The following PSD3 variants were observed in gnomAD, a reference collection of about 807,000 sequenced individuals.
PSD3 encodes pleckstrin and Sec7 domain containing 3.
Under a neutral mutation model 105.5 loss-of-function variants are expected in PSD3, and 49 were observed. The observed-to-expected ratio is 0.46, with a 90% confidence interval of 0.37 to 0.59. PSD3 has a LOEUF of 0.59. PSD3 is among the 20% of genes least tolerant of loss of function. The probability of loss-of-function intolerance (pLI) is 0.00; values close to 1 mark genes in which losing one functional copy is unlikely to be tolerated. For synonymous variants in PSD3, 557 were observed against 457.8 expected (o/e 1.22, Z -2.77); for missense variants, 1,561 against 1,263.8 (o/e 1.24, Z -3.57).
chr8:19,028,215 T>C (rs1478140107), intron 1 of PSD3, among the ~76,000 whole-genome samples: 1 of 152,122 alleles, frequency 6.6e-6, no homozygotes, highest in Non-Finnish European at 1.5e-5. Flanking sequence ...CATGTACTTA[T>C]TTTCACTTTG....
intron 2 of PSD3, among the ~76,000 whole-genome samples, chr8:18,905,871 T>C (rs1464900379): frequency 2.0e-5 from 3 of 151,996 alleles, no homozygotes; most frequent in African/African-American, 7.2e-5. Context: ...TTAAAGCAAG[T>C]GGTCTCTTTA....
chr8:18,690,694 C>T (rs559554918), intron 9 of PSD3, among the ~76,000 whole-genome samples: 6 of 152,352 alleles, frequency 3.9e-5, no homozygotes, highest in East Asian at 3.9e-4. Context: ...CTTTCCTAAA[C>T]GGGACTCAGA....
At chr8:18,839,054 G>C (rs1271167178) in intron 4 of PSD3, among the ~76,000 whole-genome samples, 1 of 151,410 alleles carries the variant, frequency 6.6e-6, no homozygotes, top group African/African-American at 2.4e-5. Context: ...AGAAGGGAGA[G>C]GCCTTTAAAA....
intron 2 of PSD3, among the ~76,000 whole-genome samples, chr8:18,915,346 G>T (rs1452886318): frequency 1.3e-5 from 2 of 152,114 alleles, no homozygotes; most frequent in African/African-American, 2.4e-5. Context: ...AGACAAATTG[G>T]ATTGCATCAA....
rs1586317133 is a variant in PSD3 at position 18,881,966 on chromosome 8, G to A, written c.131-9233C>T. ...CTCACGCCTGTAATCCCAACCCTTTGGGAGCTTGAGGCAGGAGGTTCACTT... is the reference window on the plus strand; with the variant it reads ...CTCACGCCTGTAATCCCAACCCTTTAGGAGCTTGAGGCAGGAGGTTCACTT... On this transcript the variant is annotated intron_variant, in intron 2 of 15. Coordinates refer to ENST00000327040, the MANE Select transcript of PSD3 (RefSeq NM_015310.4). 1.3e-5 allele frequency among the ~76,000 whole-genome samples: 2 copies of A among 152,244 alleles called. 1 individual carries two copies. Among genetic ancestry groups the A allele is most frequent in the Admixed American group, 1.3e-4 (2 of 15,292 alleles).
intron 12 of PSD3, among the ~76,000 whole-genome samples, chr8:18,591,345 T>G (rs1359391822): frequency 6.6e-6 from 1 of 152,148 alleles, no homozygotes; most frequent in Non-Finnish European, 1.5e-5. Context: ...ATTGGAATAC[T>G]GAGGGAACTG....
chr8:18,562,004 G>A (rs1193265375), intron 14 of PSD3, among the ~76,000 whole-genome samples: 3 of 152,172 alleles, frequency 2.0e-5, no homozygotes, highest in Non-Finnish European at 4.4e-5. Flanking sequence ...TGAGAGAGAA[G>A]CTGTGAAAAC....
chr8:18,567,508 A>C (rs1391132848), intron 14 of PSD3, among the ~76,000 whole-genome samples: 2 of 152,168 alleles, frequency 1.3e-5, no homozygotes, highest in Admixed American at 1.3e-4. Context: ...GTTGTAGTGT[A>C]CTTATTACCC....
At chr8:18,631,386 C>T (rs2130763027) in intron 11 of PSD3, among the ~76,000 whole-genome samples, 1 of 152,028 alleles carries the variant, frequency 6.6e-6, no homozygotes, top group African/African-American at 2.4e-5. Context: ...AAGTCAGAAT[C>T]CTGTCCTAGA....
intron 1 of PSD3, among the ~76,000 whole-genome samples, chr8:19,020,704 G>A (rs1042289957): frequency 3.3e-5 from 5 of 152,172 alleles, no homozygotes; most frequent in African/African-American, 1.2e-4. Flanking sequence ...TGGCAAAGAA[G>A]GAGGTAAGAA....
At chr8:18,792,122 G>C (rs1414897913) in intron 8 of PSD3, among the ~76,000 whole-genome samples, 3 of 152,126 alleles carry the variant, frequency 2.0e-5, no homozygotes, top group African/African-American at 7.2e-5. Flanking sequence ...TGGTGGGAGT[G>C]TAAATTAGTT....
intron 4 of PSD3, among the ~76,000 whole-genome samples, chr8:18,816,184 A>C (rs1002804029): frequency 4.6e-5 from 7 of 152,126 alleles, no homozygotes; most frequent in African/African-American, 1.7e-4. Flanking sequence ...TTTTGTCTTA[A>C]CATATTTTTA....
intron 9 of PSD3, among the ~76,000 whole-genome samples, chr8:18,676,200 G>A (rs1480754127): frequency 2.0e-5 from 3 of 152,112 alleles, no homozygotes; most frequent in African/African-American, 7.2e-5. Flanking sequence ...GCATGGACCA[G>A]CATTTTCTCT....
intron 1 of PSD3, among the ~76,000 whole-genome samples, chr8:19,072,385 A>G (rs1437290259): frequency 6.6e-6 from 1 of 152,152 alleles, no homozygotes. Context: ...CGGAGCCCGG[A>G]TGGTTTTCTG....
chr8:18,913,461 C>A (rs1159974147), intron 2 of PSD3, among the ~76,000 whole-genome samples: 1 of 152,136 alleles, frequency 6.6e-6, no homozygotes, highest in Non-Finnish European at 1.5e-5. Flanking sequence ...GGCTTCAGAC[C>A]TGCACCCACA....
Position 19,013,628 on chromosome 8 carries a change from C to G in PSD3, c.-45G>C, listed in dbSNP as rs1225061248. On this transcript the variant is annotated 5_prime_UTR_variant, in exon 1 of 16. Transcript: ENST00000327040. ...CGCGCGCCGAAACCGCCGCCGGGCG[C>G]TCCGGGGCCGCAGCCTCAGGGCGCG... 2 of 1,341,454 alleles carry G rather than the reference C, an allele frequency of 1.5e-6. No individual in the cohort carries two copies. Among genetic ancestry groups the G allele is most frequent in the Non-Finnish European group, 1.9e-6 (2 of 1,054,256 alleles). The allele number at this position is 1,341,454 out of a possible 1,614,324, so 83.1% of individuals were successfully genotyped here. A position where few individuals can be genotyped will look rare whatever the true frequency, so the allele number is the denominator to read the frequency against.
chr8:18,763,658 A>C (rs919246856), intron 9 of PSD3, among the ~76,000 whole-genome samples: 1 of 152,174 alleles, frequency 6.6e-6, no homozygotes, highest in Non-Finnish European at 1.5e-5. Flanking sequence ...AAAGGGAGGA[A>C]AGGGAAGGAA....
intron 10 of PSD3, among the ~76,000 whole-genome samples, chr8:18,655,195 G>C (rs1450368115): frequency 6.6e-6 from 1 of 151,662 alleles, no homozygotes; most frequent in Non-Finnish European, 1.5e-5. Flanking sequence ...TGGGAGTGGT[G>C]GTGGGCGCCT....
chr8:18,640,941 T>G (rs1019038625), intron 10 of PSD3, among the ~76,000 whole-genome samples: 15 of 152,200 alleles, frequency 9.9e-5, no homozygotes, highest in Non-Finnish European at 2.2e-4. Context: ...GCTCCTTTAG[T>G]TCTGATTTCA....
Sources: gnomAD v4.1 joint callset for allele counts (sites outside exome capture counted in the v4.1 genomes callset) on GRCh38, gnomAD v4.1.1 for gene constraint, MANE v1.5 for transcripts, NCBI Gene and HGNC (gene_info 2026-07-23, HGNC 2026-07-21) for gene names.